Variants in TMEM132E observed in about 807,000 individuals in gnomAD.
TMEM132E encodes the protein transmembrane protein 132E.
Under a neutral mutation model 78.5 loss-of-function variants are expected in TMEM132E, and 49 were observed. The observed-to-expected ratio is 0.62, with a 90% CI of 0.50 to 0.79. The LOEUF (loss-of-function observed/expected upper bound fraction) is 0.79, where lower values mean the gene tolerates loss of function less well. Among genes scored for constraint, TMEM132E ranks in the 30% least tolerant of loss-of-function variants. TMEM132E has a pLI of 0.00. For synonymous variants in TMEM132E, 715 were observed against 670.6 expected, an observed-to-expected ratio of 1.07 and a Z score of -1.02; for missense variants, 1,403 against 1,470.9, an observed-to-expected ratio of 0.95 and a Z score of 0.75.
At chr17:34,612,765 G>C (rs1906632855) in intron 1 of TMEM132E, among the ~76,000 whole-genome samples, 1 of 152,142 alleles carries the variant, frequency 6.6e-6, no homozygotes, top group Non-Finnish European at 1.5e-5. Context: ...CCCATGAAGT[G>C]AGCCCAGGAC....
Position 34,630,862 on chromosome 17 carries a change from A to G in TMEM132E, c.1482+711A>G, listed in dbSNP as rs1400350011. On this transcript the variant is annotated intron_variant, in intron 5 of 8. Transcript: ENST00000631683. ...GCCCAGCCCACATGACACTCATCTG[A>G]CTCAATGACCCAGTTTGCCACCTCC... 2.6e-5 allele frequency among the ~76,000 whole-genome samples: 4 copies of G among 151,924 alleles called. No individual in the cohort carries two copies. In the East Asian group the frequency reaches 5.8e-4, roughly 22 times the overall value.
intron 1 of TMEM132E, among the ~76,000 whole-genome samples, chr17:34,621,865 A>G (rs1906971655): frequency 1.3e-5 from 2 of 152,038 alleles, no homozygotes; most frequent in African/African-American, 4.8e-5. Flanking sequence ...TGGAGGGCAT[A>G]GGCACACCTT....
Position 34,637,504 on chromosome 17 carries a change from G to A in TMEM132E, c.2497G>A (p.Gly833Ser), listed in dbSNP as rs372591686. The change falls in exon 9 of 9, where the codon GGC becomes AGC. Residue 833 changes from glycine to serine, a missense_variant. This residue lies in a region of TMEM132E where 888 missense variants were observed against 952.8 expected (regional missense o/e 0.93). Transcript: ENST00000631683. ...CCCGGGCCCCAGCCAACCAGGGCCCGGCGGGGGCGAGGACGAGGCCCGGGG... is the reference window on the plus strand; with the variant it reads ...CCCGGGCCCCAGCCAACCAGGGCCCAGCGGGGGCGAGGACGAGGCCCGGGG... ...DYPGPSQPGPGGGEDEARGAG... is the reference protein window; with the variant it reads ...DYPGPSQPGPSGGEDEARGAG... The A allele has an allele frequency of 2.6e-5, 41 of 1,606,530 alleles. No individual in the cohort carries two copies. Among genetic ancestry groups the A allele is most frequent in the Admixed American group, 1.2e-4 (7 of 59,762 alleles).
intron 1 of TMEM132E, among the ~76,000 whole-genome samples, chr17:34,620,832 T>C (rs1906937298): frequency 6.6e-6 from 1 of 152,152 alleles, no homozygotes; most frequent in Non-Finnish European, 1.5e-5. Flanking sequence ...CATGGAAGGA[T>C]GAGGGGGACC....
At chr17:34,586,202 C>T (rs781417307) in intron 1 of TMEM132E, among the ~76,000 whole-genome samples, 4 of 152,190 alleles carry the variant, frequency 2.6e-5, no homozygotes, top group Non-Finnish European at 2.9e-5. Context: ...TCTTCCTCCC[C>T]GTTTCCTCCC....
intron 1 of TMEM132E, among the ~76,000 whole-genome samples, chr17:34,585,252 A>T (rs1233936900): frequency 6.6e-6 from 1 of 152,224 alleles, no homozygotes; most frequent in Non-Finnish European, 1.5e-5. Flanking sequence ...GCTGTGGGAG[A>T]TAAGGCCACT....
At chr17:34,596,025 T>C (rs1273740807) in intron 1 of TMEM132E, among the ~76,000 whole-genome samples, 2 of 137,784 alleles carry the variant, frequency 1.5e-5, no homozygotes, top group African/African-American at 2.7e-5. Flanking sequence ...CCAACCCCTC[T>C]CTCCCTCTCA....
At chr17:34,606,807 G>C (rs1308111966) in intron 1 of TMEM132E, among the ~76,000 whole-genome samples, 1 of 152,210 alleles carries the variant, frequency 6.6e-6, no homozygotes, top group Non-Finnish European at 1.5e-5. Flanking sequence ...CTCCAACCCT[G>C]TGTGACCTGC....
At chr17:34,581,917 C>T (rs1290794914) in intron 1 of TMEM132E, among the ~76,000 whole-genome samples, 3 of 151,704 alleles carry the variant, frequency 2.0e-5, no homozygotes, top group Non-Finnish European at 4.4e-5. Flanking sequence ...AGCGGGCATA[C>T]GGGTGGGGGG....
At chr17:34,613,451 C>T (rs554352669) in intron 1 of TMEM132E, among the ~76,000 whole-genome samples, 65 of 144,186 alleles carry the variant, frequency 4.5e-4, no homozygotes, top group Non-Finnish European at 7.8e-4. Context: ...TGTTCAGGTT[C>T]CCTCCTGGGC....
At chr17:34,591,571 A>G (rs1905871412) in intron 1 of TMEM132E, among the ~76,000 whole-genome samples, 1 of 152,198 alleles carries the variant, frequency 6.6e-6, no homozygotes, top group Admixed American at 6.5e-5. Flanking sequence ...TTGGCCTCCC[A>G]AAGTGTTGGG....
chr17:34,633,312 G>T (rs1047356818), intron 6 of TMEM132E, among the ~76,000 whole-genome samples: 1 of 152,248 alleles, frequency 6.6e-6, no homozygotes, highest in African/African-American at 2.4e-5. Context: ...ACTGAAAGGA[G>T]TTGGCTGGGG....
chr17:34,610,922 G>A (rs1309771723), intron 1 of TMEM132E, among the ~76,000 whole-genome samples: 1 of 152,204 alleles, frequency 6.6e-6, no homozygotes, highest in Admixed American at 6.5e-5. Context: ...TCATGGCACT[G>A]GTGGATGTGT....
intron 1 of TMEM132E, among the ~76,000 whole-genome samples, chr17:34,618,389 CTGG>C (rs1906850074): frequency 6.7e-6 from 1 of 149,038 alleles, no homozygotes; most frequent in Non-Finnish European, 1.5e-5. Context: ...AGGTCCACGT[CTGG>C]TGATTTTTTT....
chr17:34,637,249 G>C lies in TMEM132E; in HGVS notation c.2242G>C (p.Asp748His), dbSNP rs79922134. The change falls in exon 9 of 9, where the codon GAC becomes CAC. Residue 748 changes from aspartate (D) to histidine (H), a missense_variant. By Grantham distance (81) the Asp-to-His change is moderately conservative. This residue lies in a region of TMEM132E where 888 missense variants were observed against 952.8 expected (regional missense o/e 0.93). Coordinates refer to ENST00000631683, the MANE Select transcript of TMEM132E (RefSeq NM_001304438.2). ...CCCACTCTCCCTCTACAGCCCACGA[G>C]ACTATGGACTGCTAGTGAGCAGCCT... ...TAPLSLYSPR[D>H]YGLLVSSLDE... 6.2e-7 allele frequency: 1 copy of C among 1,613,922 alleles called. No homozygotes were observed. The highest frequency in any genetic ancestry group is 8.5e-7 in the Non-Finnish European group (1 of 1,180,026).
chr17:34,611,983 A>T (rs1348502152), intron 1 of TMEM132E, among the ~76,000 whole-genome samples: 1 of 152,176 alleles, frequency 6.6e-6, no homozygotes, highest in Admixed American at 6.5e-5. Context: ...AGGGTCTACT[A>T]TTAAACCTGT....
chr17:34,638,332 A>G lies in TMEM132E; in HGVS notation c.*100A>G, dbSNP rs1597695244. 1 of 1,293,506 alleles carries G rather than the reference A, an allele frequency of 7.7e-7. No homozygotes were observed. The highest frequency in any genetic ancestry group is 1.6e-5 in the South Asian group (1 of 63,820). 80.1% of individuals were successfully genotyped at this position (1,293,506 alleles called of 1,614,324 possible). A position where few individuals can be genotyped will look rare whatever the true frequency, so the allele number is the denominator to read the frequency against. On this transcript the variant is annotated 3_prime_UTR_variant, in exon 9 of 9. Coordinates refer to ENST00000631683, the MANE Select transcript of TMEM132E (RefSeq NM_001304438.2). The stretch of plus-strand genomic sequence containing the variant: ...GTTCACACTGACTCTGGGCGGCTGA[A>G]TTGATTTTGTACTCCCTGCCCCTGC...
intron 1 of TMEM132E, among the ~76,000 whole-genome samples, chr17:34,582,766 G>A (rs901279014): frequency 2.0e-5 from 3 of 152,084 alleles, no homozygotes; most frequent in Admixed American, 1.3e-4. Context: ...GGCCGGCAGG[G>A]AGTTTCCCTG....
At chr17:34,586,741 G>A (rs1905694057) in intron 1 of TMEM132E, among the ~76,000 whole-genome samples, 1 of 151,916 alleles carries the variant, frequency 6.6e-6, no homozygotes, top group South Asian at 2.1e-4. Flanking sequence ...GAAAATGGAA[G>A]CAGTTACCTA....
Sources: allele counts gnomAD v4.1 joint callset (sites outside exome capture counted in the v4.1 genomes callset), GRCh38; gene constraint gnomAD v4.1.1; regional missense constraint gnomAD v4.1.1; transcripts MANE v1.5; gene names NCBI Gene and HGNC (gene_info 2026-07-23, HGNC 2026-07-21).